Variants in DCC observed in about 807,000 individuals in gnomAD.
The protein encoded by DCC is DCC netrin 1 receptor.
In DCC, 58 loss-of-function variants were observed where a neutral mutation model predicts 172.5. The observed-to-expected ratio is 0.34, with a 90% CI of 0.27 to 0.42. DCC has a LOEUF of 0.42. DCC is among the 10% of genes least tolerant of loss of function. The pLI, the probability that DCC is intolerant of heterozygous loss-of-function variation, is 1.00. For synonymous variants in DCC, 709 were observed against 644.5 expected (o/e 1.10, Z -1.52); for missense variants, 1,740 against 1,791.0 (o/e 0.97, Z 0.51).
chr18:52,567,580 CAT>C (rs1156709314), intron 1 of DCC, among the ~76,000 whole-genome samples: 4 of 152,190 alleles, frequency 2.6e-5, no homozygotes, highest in Admixed American at 1.3e-4. Context: ...ACAAATACCA[CAT>C]GTTTTCACTT....
chr18:52,678,387 A>G (rs1471614508), intron 1 of DCC, among the ~76,000 whole-genome samples: 1 of 152,014 alleles, frequency 6.6e-6, no homozygotes, highest in Non-Finnish European at 1.5e-5. Flanking sequence ...TGTCCCTTCT[A>G]TTGTTTATAT....
At chr18:52,621,780 G>T (rs1345681355) in intron 1 of DCC, among the ~76,000 whole-genome samples, 1 of 152,160 alleles carries the variant, frequency 6.6e-6, no homozygotes, top group East Asian at 1.9e-4. Context: ...GGCCAAGGTT[G>T]TCTTGGAACT....
rs2055539296 is a variant in DCC at position 53,201,657 on chromosome 18, T to G, written c.1574-3559T>G. On this transcript the variant is annotated intron_variant, in intron 9 of 28. Transcript: ENST00000442544. ...AATATTAGTGGACACATTTTTGGTT[T>G]GCTTTGTTTCATTTTTTTCCCATTA... Among the ~76,000 whole-genome samples, 3 of 152,226 alleles carry G rather than the reference T, an allele frequency of 2.0e-5. No homozygotes were observed. In the South Asian group the frequency reaches 6.2e-4, roughly 32 times the overall value.
At chr18:53,222,128 C>T (rs1170539526) in intron 12 of DCC, among the ~76,000 whole-genome samples, 1 of 151,860 alleles carries the variant, frequency 6.6e-6, no homozygotes, top group Non-Finnish European at 1.5e-5. Flanking sequence ...AAATTACAGT[C>T]AATGAATAAA....
chr18:53,284,915 C>A (rs372658553), intron 12 of DCC, among the ~76,000 whole-genome samples: 1 of 152,128 alleles, frequency 6.6e-6, no homozygotes, highest in Non-Finnish European at 1.5e-5. Context: ...AGCAAAGAGA[C>A]TGGCAGCATT....
chr18:53,385,662 T>G (rs1410982645), intron 15 of DCC, among the ~76,000 whole-genome samples: 1 of 152,192 alleles, frequency 6.6e-6, no homozygotes, highest in Non-Finnish European at 1.5e-5. Context: ...TATCCTGTTT[T>G]TAGGTTTGAT....
intron 1 of DCC, among the ~76,000 whole-genome samples, chr18:52,455,858 A>T (rs1348487660): frequency 2.0e-5 from 3 of 152,164 alleles, no homozygotes. Flanking sequence ...AAACGTCCCT[A>T]AGGAGTAAAA....
At chr18:52,374,040 C>T (rs1281295633) in intron 1 of DCC, among the ~76,000 whole-genome samples, 2 of 151,702 alleles carry the variant, frequency 1.3e-5, no homozygotes, top group Non-Finnish European at 2.9e-5. Context: ...TACAGGCGCC[C>T]GCCACCACGC....
intron 1 of DCC, among the ~76,000 whole-genome samples, chr18:52,555,598 G>A (rs1357352881): frequency 6.6e-6 from 1 of 152,022 alleles, no homozygotes; most frequent in African/African-American, 2.4e-5. Flanking sequence ...GTGAAGACTG[G>A]GAGCATGGAT....
chr18:53,253,836 T>A (rs1051140726), intron 12 of DCC, among the ~76,000 whole-genome samples: 2 of 152,004 alleles, frequency 1.3e-5, no homozygotes, highest in Non-Finnish European at 2.9e-5. Flanking sequence ...GTATAAGAAA[T>A]CATCCCTTCC....
chr18:53,426,294 TA>T (rs1302343852), intron 21 of DCC, among the ~76,000 whole-genome samples: 1 of 108,964 alleles, frequency 9.2e-6, no homozygotes, highest in Non-Finnish European at 2.1e-5. Flanking sequence ...ATATTTATAA[TA>T]TATATTTATA....
At chr18:52,917,346 C>A (rs1324105878) in intron 3 of DCC, among the ~76,000 whole-genome samples, 1 of 151,938 alleles carries the variant, frequency 6.6e-6, no homozygotes, top group Non-Finnish European at 1.5e-5. Flanking sequence ...ATTTAATGAA[C>A]AAATATTTTA....
At chr18:52,360,230 C>A (rs951600552) in intron 1 of DCC, among the ~76,000 whole-genome samples, 2 of 152,156 alleles carry the variant, frequency 1.3e-5, no homozygotes, top group Non-Finnish European at 2.9e-5. Flanking sequence ...ATTCAATTTT[C>A]TGTTAATCAT....
intron 2 of DCC, among the ~76,000 whole-genome samples, chr18:52,893,042 G>C (rs992377313): frequency 1.3e-5 from 2 of 152,052 alleles, no homozygotes; most frequent in African/African-American, 4.8e-5. Flanking sequence ...TGGTATATTT[G>C]ATGTGAATCT....
At chr18:53,344,434 G>A (rs1171027729) in intron 15 of DCC, among the ~76,000 whole-genome samples, 5 of 118,630 alleles carry the variant, frequency 4.2e-5, no homozygotes, top group Admixed American at 9.7e-5. Context: ...CTTTCTTTTC[G>A]TTTTTCTTTT....
chr18:52,476,366 TG>T, intron 1 of DCC, among the ~76,000 whole-genome samples: 1 of 152,316 alleles, frequency 6.6e-6, no homozygotes, highest in East Asian at 1.9e-4. Flanking sequence ...TGTGTGTGTT[TG>T]TGTGTGCATT....
intron 1 of DCC, among the ~76,000 whole-genome samples, chr18:52,572,058 G>T (rs150245669): frequency 6.6e-6 from 1 of 152,178 alleles, no homozygotes; most frequent in Non-Finnish European, 1.5e-5. Flanking sequence ...ATACTATTTT[G>T]GGAGGCCTTA....
chr18:52,659,243 G>A (rs1300121148), intron 1 of DCC, among the ~76,000 whole-genome samples: 1 of 151,968 alleles, frequency 6.6e-6, no homozygotes, highest in Non-Finnish European at 1.5e-5. Context: ...GATAGTCAAG[G>A]CTCAGAAATA....
At chr18:53,080,430 C>A (rs146770129) in intron 7 of DCC, among the ~76,000 whole-genome samples, 1 of 152,032 alleles carries the variant, frequency 6.6e-6, no homozygotes, top group African/African-American at 2.4e-5. Context: ...CATTAGGAAG[C>A]CTAAAAGGCA....
Sources: allele counts gnomAD v4.1 joint callset (sites outside exome capture counted in the v4.1 genomes callset), GRCh38; gene constraint gnomAD v4.1.1; transcripts MANE v1.5; gene names NCBI Gene and HGNC (gene_info 2026-07-23, HGNC 2026-07-21).